Variants in TPTE2 observed in about 807,000 individuals in gnomAD.
TPTE2 encodes the protein phosphatidylinositol 3,4,5-trisphosphate 3-phosphatase TPTE2.
A neutral mutation model predicts 78.6 loss-of-function variants in TPTE2; 53 were observed. That is an observed-to-expected ratio of 0.67 (90% confidence interval 0.54 to 0.85). TPTE2 has a LOEUF of 0.85. Ranked by LOEUF, TPTE2 falls within the 40% of genes least tolerant of loss-of-function variation. The probability of loss-of-function intolerance (pLI) is 0.00; values close to 1 mark genes in which losing one functional copy is unlikely to be tolerated. For missense variants in TPTE2, 461 were observed against 623.0 expected (o/e 0.74, Z 2.77); for synonymous variants, 175 against 206.2 (o/e 0.85, Z 1.30).
chr13:19,444,950 G>C (rs868133576), intron 13 of TPTE2, among the ~76,000 whole-genome samples: 1 of 152,116 alleles, frequency 6.6e-6, no homozygotes, highest in Admixed American at 6.5e-5. Flanking sequence ...GAAACATGAC[G>C]CCTTCCTCAC....
intron 10 of TPTE2, among the ~76,000 whole-genome samples, chr13:19,459,581 G>A (rs1218992781): frequency 6.6e-6 from 1 of 152,216 alleles, no homozygotes; most frequent in Non-Finnish European, 1.5e-5. Flanking sequence ...AAGCCAGCAG[G>A]TTGGAGTGGC....
At chr13:19,495,861 T>C (rs1881281032) in intron 1 of TPTE2, among the ~76,000 whole-genome samples, 1 of 152,102 alleles carries the variant, frequency 6.6e-6, no homozygotes, top group Non-Finnish European at 1.5e-5. Context: ...TTTGTTGTTG[T>C]TGTTTGTTGC....
chr13:19,534,312 C>T (rs1268655642), intron 1 of TPTE2, among the ~76,000 whole-genome samples: 1 of 152,178 alleles, frequency 6.6e-6, no homozygotes, highest in Non-Finnish European at 1.5e-5. Flanking sequence ...ACCTTTGGAA[C>T]CATCATAAAG....
chr13:19,464,329 T>C (rs564644944), intron 10 of TPTE2, 127 bp downstream of exon 13: 1 of 992,112 alleles, frequency 1.0e-6, no homozygotes, highest in East Asian at 2.5e-5. Context: ...ATCAATCCAT[T>C]ATGATTTTTT....
At chr13:19,428,529 C>G (rs1876316218) in intron 17 of TPTE2, among the ~76,000 whole-genome samples, 2 of 151,986 alleles carry the variant, frequency 1.3e-5, no homozygotes, top group Admixed American at 6.6e-5. Flanking sequence ...TGTTTATAAT[C>G]CCAGCATGTT....
intron 3 of TPTE2, among the ~76,000 whole-genome samples, chr13:19,491,408 G>A (rs950022568): frequency 1.3e-5 from 2 of 152,078 alleles, no homozygotes; most frequent in African/African-American, 4.8e-5. Flanking sequence ...ATAAGTGAGG[G>A]TATGCAAATC....
chr13:19,546,176 AGACAGAGT>A, the TPTE2 span, among the ~76,000 whole-genome samples: 1 of 152,176 alleles, frequency 6.6e-6, no homozygotes. Context: ...CCAGCCTGGA[AGACAGAGT>A]GACACCACAC....
intron 3 of TPTE2, among the ~76,000 whole-genome samples, chr13:19,484,780 C>T (rs1354527476): frequency 6.6e-6 from 1 of 152,130 alleles, no homozygotes; most frequent in Non-Finnish European, 1.5e-5. Context: ...TCTGTTTTGT[C>T]TGATACAAGT....
intron 1 of TPTE2, among the ~76,000 whole-genome samples, chr13:19,517,544 C>T (rs1489239161): frequency 1.3e-5 from 2 of 152,062 alleles, no homozygotes; most frequent in Non-Finnish European, 2.9e-5. Flanking sequence ...CTAGTTCCCC[C>T]GCCAAAACTT....
intron 10 of TPTE2, among the ~76,000 whole-genome samples, chr13:19,457,181 A>G (rs1026684863): frequency 1.3e-5 from 2 of 152,196 alleles, no homozygotes; most frequent in African/African-American, 2.4e-5. Flanking sequence ...TCAGTCATAG[A>G]CCAATATATT....
chr13:19,441,102 T>C (rs200506301), intron 13 of TPTE2, among the ~76,000 whole-genome samples: 1 of 149,962 alleles, frequency 6.7e-6, no homozygotes, highest in South Asian at 2.1e-4. Flanking sequence ...AAAAAAAAAA[T>C]AATTTCCTTT....
intron 13 of TPTE2, among the ~76,000 whole-genome samples, chr13:19,448,348 T>C (rs529765694): frequency 1.4e-3 from 213 of 152,232 alleles, no homozygotes; most frequent in Non-Finnish European, 2.6e-3. Context: ...ACTAAAACAC[T>C]TTTGCACAGC....
Position 19,476,319 on chromosome 13 carries a change from T to G in TPTE2, c.180-696A>C, listed in dbSNP as rs1879936476. ...GTAGCTGATGAGGAACAATTTTTTT[T>G]GTCCTACTGAAGCCTCCTGTGTTGG... On this transcript the variant is annotated intron_variant, in intron 4 of 19. Transcript: ENST00000400230. 2.0e-5 allele frequency among the ~76,000 whole-genome samples: 3 copies of G among 151,532 alleles called. No individual in the cohort carries two copies. In the South Asian group the frequency reaches 6.3e-4, roughly 32 times the overall value.
At chr13:19,433,095 G>A (rs1876794444) in intron 15 of TPTE2, among the ~76,000 whole-genome samples, 1 of 152,132 alleles carries the variant, frequency 6.6e-6, no homozygotes, top group Admixed American at 6.6e-5. Flanking sequence ...TTCTCAAGGA[G>A]GCCCTGGAAT....
At chr13:19,526,898 A>C (rs1870539614) in intron 1 of TPTE2, among the ~76,000 whole-genome samples, 1 of 152,292 alleles carries the variant, frequency 6.6e-6, no homozygotes, top group Non-Finnish European at 1.5e-5. Context: ...AGAAGAGAAA[A>C]TATTTCAGGT....
chr13:19,509,329 CA>C (rs1869277174), intron 1 of TPTE2, among the ~76,000 whole-genome samples: 1 of 152,042 alleles, frequency 6.6e-6, no homozygotes, highest in Non-Finnish European at 1.5e-5. Context: ...AGAAGATTAA[CA>C]AAACAAAAGT....
At chr13:19,529,887 T>C (rs1870758155) in intron 1 of TPTE2, among the ~76,000 whole-genome samples, 1 of 152,186 alleles carries the variant, frequency 6.6e-6, no homozygotes, top group Admixed American at 6.5e-5. Flanking sequence ...CTGAGCTTTC[T>C]GGCTTTAATT....
intron 1 of TPTE2, among the ~76,000 whole-genome samples, chr13:19,517,617 G>T (rs1158429553): frequency 1.3e-5 from 2 of 152,172 alleles, no homozygotes; most frequent in East Asian, 3.9e-4. Context: ...AGAGGGCAGA[G>T]GATGGGATGG....
chr13:19,462,136 G>A (rs1475170995), intron 10 of TPTE2, among the ~76,000 whole-genome samples: 1 of 150,490 alleles, frequency 6.6e-6, no homozygotes, highest in Non-Finnish European at 1.5e-5. Flanking sequence ...GTCATTTTCT[G>A]TAGCAACAAA....
Sources: gnomAD v4.1 joint callset for allele counts (sites outside exome capture counted in the v4.1 genomes callset) on GRCh38, gnomAD v4.1.1 for gene constraint, MANE v1.5 for transcripts, NCBI Gene and HGNC (gene_info 2026-07-23, HGNC 2026-07-21) for gene names.